Variants in GRIN2A observed in about 807,000 individuals in gnomAD.
GRIN2A encodes glutamate ionotropic receptor NMDA type subunit 2A.
GRIN2A carries 22 observed loss-of-function variants against 113.4 expected under a neutral mutation model. That is an observed-to-expected ratio of 0.19 (90% CI 0.14 to 0.28). The LOEUF (loss-of-function observed/expected upper bound fraction) is 0.28. GRIN2A is among the 10% of genes least tolerant of loss of function. The pLI is 1.00. For missense variants in GRIN2A, 1,502 were observed against 1,887.0 expected, an observed-to-expected ratio of 0.80 and a Z score of 3.78; for synonymous variants, 827 against 738.4, an observed-to-expected ratio of 1.12 and a Z score of -1.94.
rs1195869916 is a variant in GRIN2A at position 9,768,877 on chromosome 16, G to T, written c.2569C>A (p.Pro857Thr). 6.2e-7 allele frequency: 1 copy of T among 1,614,040 alleles called. No individual in the cohort carries two copies. Among genetic ancestry groups the T allele is most frequent in the Non-Finnish European group, 8.5e-7 (1 of 1,179,914 alleles). Residue 857 changes from proline (P) to threonine (T), a missense_variant, in exon 12 of 13, where the codon CCT becomes ACT. This residue lies in a region of GRIN2A where 832 missense variants were observed against 789.7 expected (regional missense o/e 1.05). Coordinates refer to ENST00000330684, the MANE Select transcript of GRIN2A (RefSeq NM_001134407.3). ...FCFTGVCSDR[P>T]GLLFSISRGI... ...CTGCTGATGGAGAAGAGCAACCCAG[G>T]CCGGTCGGAGCACACGCCCGTGAAA...
At chr16:9,946,162 A>C (rs1247888300) in intron 2 of GRIN2A, among the ~76,000 whole-genome samples, 1 of 152,056 alleles carries the variant, frequency 6.6e-6, no homozygotes, top group African/African-American at 2.4e-5. Context: ...TGAGATTCAG[A>C]CCCTTATTGT....
intron 2 of GRIN2A, among the ~76,000 whole-genome samples, chr16:10,052,270 T>C (rs1478641953): frequency 6.6e-6 from 1 of 152,240 alleles, no homozygotes; most frequent in African/African-American, 2.4e-5. Flanking sequence ...AAAGAGCTGA[T>C]CACATTTAAT....
At chr16:9,973,583 C>A (rs925866354) in intron 2 of GRIN2A, among the ~76,000 whole-genome samples, 1 of 151,956 alleles carries the variant, frequency 6.6e-6, no homozygotes, top group Non-Finnish European at 1.5e-5. Context: ...TCAAAGAACC[C>A]CAAATAGGAC....
intron 2 of GRIN2A, among the ~76,000 whole-genome samples, chr16:10,163,299 A>G (rs976143728): frequency 2.0e-5 from 3 of 152,222 alleles, no homozygotes; most frequent in Non-Finnish European, 2.9e-5. Flanking sequence ...CAGGCTCAGA[A>G]GGTGGAAGGT....
At chr16:10,122,728 C>T (rs940501223) in intron 2 of GRIN2A, among the ~76,000 whole-genome samples, 1 of 152,094 alleles carries the variant, frequency 6.6e-6, no homozygotes, top group African/African-American at 2.4e-5. Flanking sequence ...CCTTCTTGGG[C>T]CCCCTGCTGG....
Position 9,912,050 on chromosome 16 carries a change from C to T in GRIN2A, c.1008-20950G>A, listed in dbSNP as rs140019346. On this transcript the variant is annotated intron_variant, in intron 3 of 12. Transcript: ENST00000330684. ...TGAGTTAGTACCTGTAATGTGCTGG[C>T]ACACAGTGAGCACAAAATATGTGTT... Among the ~76,000 whole-genome samples the T allele has an allele frequency of 2.4e-3, 369 of 152,134 alleles. 1 individual carries two copies. Among genetic ancestry groups the T allele is most frequent in the Non-Finnish European group, 4.0e-3 (273 of 68,012 alleles).
chr16:9,854,870 T>C (rs2042941581), intron 4 of GRIN2A, among the ~76,000 whole-genome samples: 1 of 152,144 alleles, frequency 6.6e-6, no homozygotes, highest in African/African-American at 2.4e-5. Flanking sequence ...TCAGAGCAAG[T>C]GAAATCATAC....
chr16:9,772,551 T>C (rs1049366994), intron 11 of GRIN2A, among the ~76,000 whole-genome samples: 4 of 152,154 alleles, frequency 2.6e-5, no homozygotes, highest in African/African-American at 7.2e-5. Context: ...TTTTGTATTT[T>C]TAGTAGAGAC....
chr16:9,907,889 G>A (rs978212116), intron 3 of GRIN2A, among the ~76,000 whole-genome samples: 15 of 152,236 alleles, frequency 9.9e-5, no homozygotes, highest in African/African-American at 2.6e-4. Context: ...GTAAGCTCCC[G>A]GGAAACAGGG....
chr16:9,947,764 C>T (rs543012685), intron 2 of GRIN2A, among the ~76,000 whole-genome samples: 1 of 152,056 alleles, frequency 6.6e-6, no homozygotes, highest in African/African-American at 2.4e-5. Flanking sequence ...TCCTTACTAG[C>T]TCTGAGGCTC....
chr16:10,176,003 C>CT (rs34994079), intron 2 of GRIN2A, among the ~76,000 whole-genome samples: 34,628 of 125,868 alleles, frequency 0.28, 5,896 homozygotes, highest in Non-Finnish European at 0.36. Context: ...AATTTTCCTT[C>CT]TTTTTTTTTT....
intron 11 of GRIN2A, among the ~76,000 whole-genome samples, chr16:9,792,468 C>A (rs1442802848): frequency 6.6e-6 from 1 of 152,142 alleles, no homozygotes; most frequent in African/African-American, 2.4e-5. Context: ...AAGCAAACCT[C>A]CCACCTCAGG....
At chr16:9,855,452 T>A (rs2042951295) in intron 4 of GRIN2A, among the ~76,000 whole-genome samples, 1 of 152,200 alleles carries the variant, frequency 6.6e-6, no homozygotes, top group Admixed American at 6.5e-5. Context: ...GCAGAAGAAC[T>A]AATTGACAAA....
intron 3 of GRIN2A, among the ~76,000 whole-genome samples, chr16:9,896,359 T>C (rs961751521): frequency 2.0e-5 from 3 of 152,210 alleles, no homozygotes; most frequent in Non-Finnish European, 4.4e-5. Flanking sequence ...AAAACAGTGA[T>C]TGTTTTAATC....
intron 2 of GRIN2A, among the ~76,000 whole-genome samples, chr16:10,067,511 A>G (rs182905073): frequency 3.3e-5 from 5 of 152,372 alleles, no homozygotes; most frequent in African/African-American, 1.2e-4. Context: ...ATATTAAAGT[A>G]ACCAGAAACA....
intron 3 of GRIN2A, among the ~76,000 whole-genome samples, chr16:9,900,599 T>C (rs528738807): frequency 1.3e-5 from 2 of 152,278 alleles, no homozygotes; most frequent in African/African-American, 2.4e-5. Flanking sequence ...GCAGGGTGTA[T>C]AGAGTAGGGT....
chr16:9,777,836 C>T lies in GRIN2A; in HGVS notation c.2357-8747G>A, dbSNP rs574393974. On this transcript the variant is annotated intron_variant, in intron 11 of 12. Transcript: ENST00000330684. ...CCCAGCACTCTGGGAGGCCGAGGCA[C>T]GCAGATCACCTGGGGTCAGGAGTTT... Among the ~76,000 whole-genome samples the T allele has an allele frequency of 5.5e-4, 83 of 152,232 alleles. 1 individual carries two copies. The highest frequency in any genetic ancestry group is 1.1e-3 in the Admixed American group (17 of 15,292).
intron 2 of GRIN2A, among the ~76,000 whole-genome samples, chr16:9,978,846 G>C (rs771627946): frequency 1.3e-5 from 2 of 152,158 alleles, no homozygotes; most frequent in African/African-American, 2.4e-5. Flanking sequence ...CGGGCTTCTC[G>C]TCTGAAATGG....
intron 2 of GRIN2A, 105 bp downstream of exon 2, chr16:10,179,893 C>CCCCAAAAAAAAAAA: frequency 6.9e-6 from 5 of 719,808 alleles, no homozygotes; most frequent in East Asian, 3.6e-5. Context: ...CCCCCACCCC[C>CCCCAAAAAAAAAAA]ACTTCACATC....
Sources: gnomAD v4.1 joint callset for allele counts (sites outside exome capture counted in the v4.1 genomes callset) on GRCh38, gnomAD v4.1.1 for gene constraint, gnomAD v4.1.1 regional missense constraint, MANE v1.5 for transcripts, NCBI Gene and HGNC (gene_info 2026-07-23, HGNC 2026-07-21) for gene names.